Variants in RGS6 observed in about 807,000 individuals in gnomAD.
RGS6 encodes regulator of G-protein signaling 6.
RGS6 carries 30 observed loss-of-function variants against 78.5 expected under a neutral mutation model. That is an observed-to-expected ratio of 0.38 (90% CI 0.29 to 0.52). RGS6 has a LOEUF of 0.52. RGS6 is among the 20% of genes least tolerant of loss of function. RGS6 has a pLI of 0.85. For missense variants in RGS6, 495 were observed against 609.7 expected, an observed-to-expected ratio of 0.81 and a Z score of 1.98; for synonymous variants, 206 against 206.0, an observed-to-expected ratio of 1.00 and a Z score of 0.00.
intron 2 of RGS6, among the ~76,000 whole-genome samples, chr14:72,016,389 G>A (rs527923668): frequency 1.4e-4 from 22 of 151,910 alleles, no homozygotes; most frequent in Admixed American, 2.0e-4. Context: ...TTTTTGAAAC[G>A]GAGTCTCGCA....
At chr14:71,920,737 T>G in the RGS6 span, among the ~76,000 whole-genome samples, 1 of 152,224 alleles carries the variant, frequency 6.6e-6, no homozygotes, top group East Asian at 1.9e-4. Context: ...ATGTGTATAT[T>G]AAATCTAATG....
At chr14:72,470,978 A>G (rs1017957656) in intron 8 of RGS6, among the ~76,000 whole-genome samples, 1 of 151,666 alleles carries the variant, frequency 6.6e-6, no homozygotes, top group African/African-American at 2.4e-5. Flanking sequence ...GTGTGTATCT[A>G]TAGGCCTCCT....
intron 2 of RGS6, among the ~76,000 whole-genome samples, chr14:72,323,215 A>G (rs997725371): frequency 6.6e-6 from 1 of 152,190 alleles, no homozygotes; most frequent in African/African-American, 2.4e-5. Context: ...AATACTACTC[A>G]TGTTAATCTT....
the RGS6 span, chr14:71,908,171 G>A: frequency 2.0e-5 from 3 of 152,190 alleles, no homozygotes; most frequent in Non-Finnish European, 4.4e-5. Context: ...CCAGATAATT[G>A]ACAATAGGCT....
intron 2 of RGS6, among the ~76,000 whole-genome samples, chr14:71,999,655 T>C (rs1194747255): frequency 2.0e-5 from 2 of 100,992 alleles, no homozygotes; most frequent in Non-Finnish European, 4.8e-5. Flanking sequence ...CCCTTGGTGC[T>C]ATCCCCGCAA....
chr14:72,321,003 T>C lies in RGS6; in HGVS notation c.85-31092T>C, dbSNP rs570480141. On this transcript the variant is annotated intron_variant, in intron 2 of 17. Transcript: ENST00000553525. ...AATGAACATATATGTTAGTTTGAAA[T>C]ATATATGTAATATATAAGGTACATG... is the stretch of plus-strand genomic sequence containing the variant. Among the ~76,000 whole-genome samples the C allele has an allele frequency of 1.1e-4, 17 of 150,800 alleles. No individual in the cohort carries two copies. The South Asian group carries it at 3.3e-3, about 29-fold the overall frequency.
At chr14:72,566,656 CACACACACACACACACACACACA>C (rs2097712687), downstream of RGS6, 1 of 147,908 alleles carries the variant, frequency 6.8e-6, no homozygotes, top group South Asian at 2.2e-4. Context: ...CACACACACA[CACACACACACACACACACACACA>C]CACCTGTTTC....
At chr14:72,347,040 C>G (rs2078192673) in intron 2 of RGS6, among the ~76,000 whole-genome samples, 1 of 152,218 alleles carries the variant, frequency 6.6e-6, no homozygotes, top group African/African-American at 2.4e-5. Context: ...CCAGGCAGAA[C>G]CAGCCTAGCT....
chr14:72,552,141 A>G lies in RGS6; in HGVS notation c.1423-10276A>G, dbSNP rs529698827. Among the ~76,000 whole-genome samples, 9 of 152,350 alleles carry G rather than the reference A, an allele frequency of 5.9e-5. No individual in the cohort carries two copies. The South Asian group carries it at 8.3e-4, about 14-fold the overall frequency. On this transcript the variant is annotated intron_variant, in intron 17 of 17. Transcript: ENST00000553525. Reference sequence around the variant, plus strand: ...GAGGGTGGGTACGTGGGTATCTCCTATATGACAGTCTGCACAAGGTGCATG... The same window carrying G: ...GAGGGTGGGTACGTGGGTATCTCCTGTATGACAGTCTGCACAAGGTGCATG...
chr14:72,570,123 T>G (rs1178497423), downstream of RGS6, among the ~76,000 whole-genome samples: 1 of 152,156 alleles, frequency 6.6e-6, no homozygotes, highest in Non-Finnish European at 1.5e-5. Context: ...AAAATATTTT[T>G]AAAAATTAAA....
intron 12 of RGS6, among the ~76,000 whole-genome samples, chr14:72,482,202 C>T (rs1003631262): frequency 2.0e-5 from 3 of 152,154 alleles, no homozygotes; most frequent in African/African-American, 2.4e-5. Context: ...GTTAATTTTG[C>T]TAGATGACTC....
At chr14:72,350,502 T>C (rs1263899137) in intron 2 of RGS6, among the ~76,000 whole-genome samples, 1 of 152,200 alleles carries the variant, frequency 6.6e-6, no homozygotes, top group East Asian at 1.9e-4. Flanking sequence ...TGGTGCTATG[T>C]GACCAGTTCT....
chr14:72,401,303 A>T (rs1223491997), intron 3 of RGS6, among the ~76,000 whole-genome samples: 2 of 152,072 alleles, frequency 1.3e-5, no homozygotes, highest in Admixed American at 1.3e-4. Flanking sequence ...ATTTTGACTG[A>T]GCCTCTTTTA....
At chr14:71,997,241 G>C (rs1595857913) in intron 2 of RGS6, among the ~76,000 whole-genome samples, 1 of 152,126 alleles carries the variant, frequency 6.6e-6, no homozygotes, top group Admixed American at 6.5e-5. Flanking sequence ...GGGGATGTGG[G>C]CACCACTTAC....
At chr14:72,012,815 C>G (rs778829944) in intron 2 of RGS6, among the ~76,000 whole-genome samples, 3 of 152,210 alleles carry the variant, frequency 2.0e-5, no homozygotes, top group Non-Finnish European at 4.4e-5. Context: ...CTCATTTCCC[C>G]TCATCTGTAA....
At chr14:72,324,276 C>G (rs2073054491) in intron 2 of RGS6, among the ~76,000 whole-genome samples, 1 of 151,886 alleles carries the variant, frequency 6.6e-6, no homozygotes, top group South Asian at 2.1e-4. Context: ...CAACTGAATA[C>G]CTCTTTAGAA....
intron 2 of RGS6, among the ~76,000 whole-genome samples, chr14:71,981,424 G>A (rs1053743005): frequency 2.6e-5 from 4 of 152,178 alleles, no homozygotes; most frequent in African/African-American, 9.7e-5. Flanking sequence ...TGATGGTGAT[G>A]TACAGATGTT....
chr14:72,019,676 T>A (rs558252619), intron 2 of RGS6, among the ~76,000 whole-genome samples: 223 of 152,326 alleles, frequency 1.5e-3, no homozygotes, highest in Non-Finnish European at 2.7e-3. Context: ...TTTTATATTC[T>A]CTCTAGATTT....
At chr14:72,088,654 C>T (rs142167401) in intron 2 of RGS6, among the ~76,000 whole-genome samples, 317 of 152,036 alleles carry the variant, frequency 2.1e-3, no homozygotes, top group African/African-American at 7.4e-3. Flanking sequence ...GTGAAGGCTT[C>T]AATCAGACCA....
Sources: gnomAD v4.1 joint callset for allele counts (sites outside exome capture counted in the v4.1 genomes callset) on GRCh38, gnomAD v4.1.1 for gene constraint, MANE v1.5 for transcripts, NCBI Gene and HGNC (gene_info 2026-07-23, HGNC 2026-07-21) for gene names.